Variants in CPB2 observed in about 807,000 individuals in gnomAD.
CPB2 encodes the protein carboxypeptidase B2.
In CPB2, 54 loss-of-function variants were observed where a neutral mutation model predicts 57.0. The observed-to-expected ratio is 0.95, with a 90% confidence interval of 0.76 to 1.19. The LOEUF (loss-of-function observed/expected upper bound fraction) is 1.19, where lower values mean the gene tolerates loss of function less well. Among genes scored for constraint, CPB2 ranks in the 50% most tolerant of loss-of-function variants. CPB2 has a pLI of 0.00. For missense variants in CPB2, 426 were observed against 512.0 expected, an observed-to-expected ratio of 0.83 and a Z score of 1.62; for synonymous variants, 189 against 178.1, an observed-to-expected ratio of 1.06 and a Z score of -0.49.
intron 5 of CPB2, among the ~76,000 whole-genome samples, chr13:46,074,993 G>A (rs1020405407): frequency 3.3e-5 from 5 of 152,310 alleles, no homozygotes; most frequent in Non-Finnish European, 4.4e-5. Context: ...GCGTGGCCGC[G>A]TTCCTAACAG....
Position 46,090,158 on chromosome 13 carries a change from CT to C in CPB2, c.75-2339del, listed in dbSNP as rs368048737. ...TGCTTCCCCTCTGCCCTGCCCAATT[CT>C]TTTTTTTTTACAAGCCTCTTGTCTT... On this transcript the variant is annotated intron_variant, in intron 1 of 10. Coordinates refer to ENST00000181383, the MANE Select transcript of CPB2 (RefSeq NM_001872.5). 9.3e-3 allele frequency among the ~76,000 whole-genome samples: 1,375 copies of C among 147,420 alleles called. 19 individuals are homozygous for C. The highest frequency in any genetic ancestry group is 0.032 in the African/African-American group (1,293 of 40,268).
intron 8 of CPB2, among the ~76,000 whole-genome samples, chr13:46,063,183 G>A (rs1381230747): frequency 6.6e-6 from 1 of 152,142 alleles, no homozygotes; most frequent in Non-Finnish European, 1.5e-5. Flanking sequence ...CTTTGTCTTC[G>A]GGTTCAGGGG....
chr13:46,074,040 C>G, intron 5 of CPB2, 63 bp from the exon 6 acceptor site: 4 of 899,010 alleles, frequency 4.4e-6, no homozygotes, highest in East Asian at 2.5e-5. Flanking sequence ...TAATAACTTT[C>G]ATTTATATAG....
chr13:46,064,549 C>A, intron 8 of CPB2, 99 bp downstream of exon 8: 3 of 918,146 alleles, frequency 3.3e-6, no homozygotes, highest in South Asian at 2.9e-5. Context: ...CTGATTCAGA[C>A]AGGCCAGCTC....
chr13:46,068,346 A>G (rs964502578), intron 6 of CPB2, among the ~76,000 whole-genome samples: 6 of 152,224 alleles, frequency 3.9e-5, no homozygotes, highest in African/African-American at 1.2e-4. Context: ...TTAAACGTTT[A>G]AAATATTATA....
chr13:46,069,488 C>T (rs2044906276), intron 6 of CPB2, among the ~76,000 whole-genome samples: 1 of 152,126 alleles, frequency 6.6e-6, no homozygotes, highest in Non-Finnish European at 1.5e-5. Flanking sequence ...TTATAACTCA[C>T]TCCCCTTTCC....
At chr13:46,058,985 C>G (rs1257005159) in intron 8 of CPB2, among the ~76,000 whole-genome samples, 2 of 152,214 alleles carry the variant, frequency 1.3e-5, no homozygotes, top group Admixed American at 6.5e-5. Flanking sequence ...GTCCCTAATT[C>G]ACAAGGTGAA....
At chr13:46,064,167 A>C (rs1021671333) in intron 8 of CPB2, among the ~76,000 whole-genome samples, 1 of 152,120 alleles carries the variant, frequency 6.6e-6, no homozygotes, top group Non-Finnish European at 1.5e-5. Context: ...AGGCTGAGGC[A>C]GGAGAATCCT....
At position 46,087,735 on chromosome 13, in the gene CPB2, G is replaced by A; in HGVS notation, c.150+10C>T. ...GAAACCAATATAAACATAAATTAGG[G>A]AGAAATTACCTCATATGTTGTAGTA... On this transcript the variant is annotated intron_variant, in intron 2 of 10. Transcript: ENST00000181383. 1.3e-6 allele frequency: 2 copies of A among 1,575,332 alleles called. No individual in the cohort carries two copies. Among genetic ancestry groups the A allele is most frequent in the African/African-American group, 2.7e-5 (2 of 73,832 alleles).
chr13:46,064,633 A>T lies in CPB2; in HGVS notation c.796+15T>A. The T allele has an allele frequency of 6.2e-7, 1 of 1,608,518 alleles. No individual in the cohort carries two copies. Among genetic ancestry groups the T allele is most frequent in the Non-Finnish European group, 8.5e-7 (1 of 1,174,974 alleles). On this transcript the variant is annotated intron_variant, in intron 8 of 10. Coordinates refer to ENST00000181383, the MANE Select transcript of CPB2 (RefSeq NM_001872.5). The stretch of plus-strand genomic sequence containing the variant: ...CAGTGAAGAGACATTGCAAGAAATA[A>T]AGCCAACAACCTACCACACCAGTGT...
chr13:46,054,263 T>C lies in CPB2; in HGVS notation c.1088-465A>G, dbSNP rs78997094. ...TTATTGGCTATCTTTATATTTCCTA[T>C]CAATTGTCCTTCCTCATTTGTCTAC... is the stretch of plus-strand genomic sequence containing the variant. On this transcript the variant is annotated intron_variant, in intron 10 of 10. Coordinates refer to ENST00000181383, the MANE Select transcript of CPB2 (RefSeq NM_001872.5). 2.4e-4 allele frequency among the ~76,000 whole-genome samples: 36 copies of C among 152,340 alleles called. 1 individual carries two copies. The East Asian group carries it at 6.9e-3, about 29-fold the overall frequency.
At chr13:46,075,685 T>C (rs2045011853) in intron 5 of CPB2, among the ~76,000 whole-genome samples, 1 of 152,142 alleles carries the variant, frequency 6.6e-6, no homozygotes, top group Non-Finnish European at 1.5e-5. Flanking sequence ...ACCCAAAGTC[T>C]TATCTTTGAA....
intron 1 of CPB2, 24 bp downstream of exon 1, chr13:46,104,912 C>T (rs749881047): frequency 1.1e-5 from 17 of 1,613,676 alleles, no homozygotes; most frequent in Admixed American, 3.3e-5. Context: ...TGGCCCACCA[C>T]AGTCTAAGAT....
At chr13:46,075,213 A>AAGTG (rs2045004014) in intron 5 of CPB2, among the ~76,000 whole-genome samples, 1 of 152,148 alleles carries the variant, frequency 6.6e-6, no homozygotes, top group Admixed American at 6.5e-5. Context: ...GATAGTAAGT[A>AAGTG]AGAAAGCCCA....
chr13:46,080,326 G>A (rs929329580), intron 4 of CPB2, among the ~76,000 whole-genome samples: 1 of 152,176 alleles, frequency 6.6e-6, no homozygotes, highest in Non-Finnish European at 1.5e-5. Flanking sequence ...AGAGACCACC[G>A]ATCAAAGGGA....
chr13:46,073,786 AT>A (rs1593895938), intron 6 of CPB2, 86 bp downstream of exon 6: 1 of 816,008 alleles, frequency 1.2e-6, no homozygotes, highest in Non-Finnish European at 1.8e-6. Flanking sequence ...AGGAAAATGC[AT>A]TTTAATAAAT....
intron 8 of CPB2, 89 bp from the exon 9 acceptor site, chr13:46,058,470 T>C (rs2044728162): frequency 9.4e-7 from 1 of 1,065,240 alleles, no homozygotes; most frequent in Non-Finnish European, 1.4e-6. Context: ...CTCCTACCTA[T>C]GTTGCAACAC....
At position 46,104,936 on chromosome 13, in the gene CPB2, CT is replaced by C. The variant is rs1183958157; in HGVS notation, c.73del (p.Ser25ValfsTer5). 1 of 1,613,754 alleles carries C rather than the reference CT, an allele frequency of 6.2e-7. No homozygotes were observed. The highest frequency in any genetic ancestry group is 1.7e-5 in the Admixed American group (1 of 59,976). ...FCEQHVFAFQSGQVLAALPRT... is the reference protein window; with the variant it reads ...FCEQHVFAFQXGQVLAALPRT... ...ACAGTCTAAGATTCTATTGGGTTACCTCTGAAACGCGAAGACATGCTGCTCA... is the reference window on the plus strand; with the variant it reads ...ACAGTCTAAGATTCTATTGGGTTACCCTGAAACGCGAAGACATGCTGCTCA... On this transcript the variant is annotated frameshift_variant and splice_region_variant, in exon 1 of 11. Transcript: ENST00000181383. LOFTEE classifies it high-confidence loss of function.
At chr13:46,091,708 CT>C in intron 1 of CPB2, among the ~76,000 whole-genome samples, 1 of 152,356 alleles carries the variant, frequency 6.6e-6, no homozygotes, top group African/African-American at 2.4e-5. Flanking sequence ...TATTTTGCAA[CT>C]GTTGCTAAGG....
Sources: gnomAD v4.1 joint callset for allele counts (sites outside exome capture counted in the v4.1 genomes callset) on GRCh38, gnomAD v4.1.1 for gene constraint, MANE v1.5 for transcripts, NCBI Gene and HGNC (gene_info 2026-07-23, HGNC 2026-07-21) for gene names.